GPRC6A: variants seen among roughly 807,000 people sequenced by gnomAD.
GPRC6A encodes G protein-coupled receptor family C group 6 member A.
A neutral mutation model predicts 47.0 loss-of-function variants in GPRC6A; 54 were observed. The observed-to-expected ratio is 1.15, with a 90% CI of 0.92 to 1.44. GPRC6A has a LOEUF of 1.44. GPRC6A is among the 40% of genes most tolerant of loss of function. GPRC6A has a pLI of 0.00. For synonymous variants in GPRC6A, 347 were observed against 377.1 expected, an observed-to-expected ratio of 0.92 and a Z score of 0.93; for missense variants, 1,112 against 1,105.5, an observed-to-expected ratio of 1.01 and a Z score of -0.08.
chr6:116,806,539 T>A lies in GPRC6A; in HGVS notation c.1166A>T (p.Asn389Ile), dbSNP rs1156609891. ...HSQRTLAYKANKAIERNFVMR... is the reference protein window; with the variant it reads ...HSQRTLAYKAIKAIERNFVMR... ...GACGAAGTTCCTTTCTATAGCCTTG[T>A]TAGCCTTGTAGGCCAAAGTCCTTTG... The change falls in exon 3 of 6, where the codon AAC becomes ATC. Residue 389 changes from asparagine (N) to isoleucine (I), a missense_variant. By Grantham distance (149) the Asn-to-Ile change is moderately radical. Transcript: ENST00000310357. The A allele has an allele frequency of 6.2e-7, 1 of 1,613,506 alleles. No individual in the cohort carries two copies. The highest frequency in any genetic ancestry group is 8.5e-7 in the Non-Finnish European group (1 of 1,179,768).
intron 5 of GPRC6A, among the ~76,000 whole-genome samples, chr6:116,794,890 A>G (rs1772428464): frequency 6.6e-6 from 1 of 152,156 alleles, no homozygotes; most frequent in Non-Finnish European, 1.5e-5. Flanking sequence ...TGAATCTTGG[A>G]ATATTTTCAT....
intron 1 of GPRC6A, among the ~76,000 whole-genome samples, chr6:116,813,877 T>A (rs935421280): frequency 1.8e-4 from 27 of 152,262 alleles, no homozygotes; most frequent in African/African-American, 5.3e-4. Context: ...AGGGCTAATA[T>A]CTAGAATCTA....
chr6:116,794,559 T>G (rs1772416406), intron 5 of GPRC6A, among the ~76,000 whole-genome samples: 1 of 152,162 alleles, frequency 6.6e-6, no homozygotes, highest in South Asian at 2.1e-4. Context: ...AGATACAGCC[T>G]TTAAAGGGTC....
intron 2 of GPRC6A, among the ~76,000 whole-genome samples, chr6:116,808,661 CT>C: frequency 6.6e-6 from 1 of 152,228 alleles, no homozygotes; most frequent in South Asian, 2.1e-4. Flanking sequence ...TCTTTATCAT[CT>C]GAATATAAGC....
rs1017915855 is a variant in GPRC6A at position 116,792,941 on chromosome 6, G to A, written c.1982C>T (p.Thr661Ile). The A allele has an allele frequency of 1.9e-6, 3 of 1,614,086 alleles. No homozygotes were observed. The highest frequency in any genetic ancestry group is 2.5e-6 in the Non-Finnish European group (3 of 1,179,978). Residue 661 changes from threonine to isoleucine, a missense_variant, in exon 6 of 6, where the codon ACC becomes ATC. Coordinates refer to ENST00000310357, the MANE Select transcript of GPRC6A (RefSeq NM_148963.4). ...IGEPQDFTCK[T>I]RQTMFGVSFT... The stretch of plus-strand genomic sequence containing the variant: ...GCTCACTCCAAACATTGTCTGCCTG[G>A]TTTTACATGTGAAGTCTTGTGGTTC...
At chr6:116,820,521 G>T (rs1773429212) in intron 1 of GPRC6A, among the ~76,000 whole-genome samples, 2 of 150,302 alleles carry the variant, frequency 1.3e-5, no homozygotes, top group Middle Eastern at 3.4e-3. Flanking sequence ...TGATCAAGTG[G>T]GCTTCATCCC....
chr6:116,825,799 A>C (rs554958345), intron 1 of GPRC6A, among the ~76,000 whole-genome samples: 30 of 152,038 alleles, frequency 2.0e-4, no homozygotes, highest in African/African-American at 7.2e-4. Context: ...TACCTGACAA[A>C]ATTATATCAC....
In GPRC6A at chr6:116,792,659, A is replaced by G. The variant is rs1413432037; in HGVS notation, c.2264T>C (p.Met755Thr). The G allele has an allele frequency of 2.5e-6, 4 of 1,613,638 alleles. No individual in the cohort carries two copies. Among genetic ancestry groups the G allele is most frequent in the South Asian group, 1.1e-5 (1 of 91,058 alleles). The change falls in exon 6 of 6, where the codon ATG becomes ACG. Residue 755 changes from methionine (M) to threonine (T), a missense_variant. Coordinates refer to ENST00000310357, the MANE Select transcript of GPRC6A (RefSeq NM_148963.4). The stretch of plus-strand genomic sequence containing the variant: ...GGCCAGGATGGCAATGTAGCCCAGC[A>G]TGGTGCCAAATGCAAGTATGGATCC... ...EEGSILAFGT[M>T]LGYIAILAFI...
intron 5 of GPRC6A, among the ~76,000 whole-genome samples, chr6:116,794,123 G>C (rs1309281615): frequency 6.6e-6 from 1 of 152,130 alleles, no homozygotes; most frequent in East Asian, 1.9e-4. Flanking sequence ...AAGTTGGTGA[G>C]TCTCAGCTGC....
intron 1 of GPRC6A, among the ~76,000 whole-genome samples, chr6:116,821,215 C>G (rs1381348291): frequency 6.6e-6 from 1 of 151,956 alleles, no homozygotes; most frequent in Non-Finnish European, 1.5e-5. Flanking sequence ...AAAGAGGATA[C>G]AAACAAATGG....
intron 5 of GPRC6A, among the ~76,000 whole-genome samples, chr6:116,794,605 C>T (rs958507747): frequency 6.6e-6 from 1 of 152,090 alleles, no homozygotes; most frequent in Non-Finnish European, 1.5e-5. Flanking sequence ...GTTACATACT[C>T]CTTGGTGTTT....
At chr6:116,802,002 A>G (rs767427344) in intron 3 of GPRC6A, among the ~76,000 whole-genome samples, 4 of 152,158 alleles carry the variant, frequency 2.6e-5, no homozygotes, top group Non-Finnish European at 5.9e-5. Context: ...TTCTTTCCTT[A>G]AGCAATATAC....
intron 1 of GPRC6A, among the ~76,000 whole-genome samples, chr6:116,812,501 A>G (rs1177664241): frequency 2.0e-5 from 3 of 152,192 alleles, no homozygotes; most frequent in African/African-American, 7.2e-5. Context: ...CCACAATGAC[A>G]AAAAATGAGA....
chr6:116,801,159 C>T lies in GPRC6A; in HGVS notation c.1336-363G>A, dbSNP rs192838027. 6.6e-5 allele frequency among the ~76,000 whole-genome samples: 10 copies of T among 152,230 alleles called. No individual in the cohort carries two copies. The East Asian group carries it at 1.9e-3, about 29-fold the overall frequency. On this transcript the variant is annotated intron_variant, in intron 3 of 5. Transcript: ENST00000310357. ...TCATCAATGCAAGTACAATTACTTT[C>T]TATCTGATTATCTCCAATGGTTCTT... is the stretch of plus-strand genomic sequence containing the variant.
chr6:116,801,412 G>A (rs1052669681), intron 3 of GPRC6A, among the ~76,000 whole-genome samples: 12 of 152,108 alleles, frequency 7.9e-5, no homozygotes, highest in African/African-American at 2.9e-4. Flanking sequence ...TGTAGTGGAA[G>A]AACAATAGGC....
chr6:116,818,532 TAAAAAAAAA>T lies in GPRC6A; in HGVS notation c.195-8924_195-8916del, dbSNP rs35974500. Among the ~76,000 whole-genome samples, 78 of 15,502 alleles carry T rather than the reference TAAAAAAAAA, an allele frequency of 5.0e-3. 4 individuals carry two copies. The highest frequency in any genetic ancestry group is 0.011 in the East Asian group (10 of 878). The allele number at this position is 15,502 out of a possible 152,430, so 10.2% of individuals were successfully genotyped here. A position where few individuals can be genotyped will look rare whatever the true frequency, so the allele number is the denominator to read the frequency against. ...CTGGGCGACAGAGCGAGACTCCGTC[TAAAAAAAAA>T]AAAAAAAAAAAAAAAAAAAAAAAAA... On this transcript the variant is annotated intron_variant, in intron 1 of 5. Coordinates refer to ENST00000310357, the MANE Select transcript of GPRC6A (RefSeq NM_148963.4).
intron 4 of GPRC6A, 117 bp from the exon 5 acceptor site, chr6:116,795,952 C>A: frequency 1.6e-6 from 1 of 622,682 alleles, no homozygotes. Flanking sequence ...GGTCTTTTTT[C>A]ATAGGATTAT....
At chr6:116,819,500 C>A (rs1182180600) in intron 1 of GPRC6A, among the ~76,000 whole-genome samples, 2 of 152,088 alleles carry the variant, frequency 1.3e-5, no homozygotes, top group African/African-American at 4.8e-5. Context: ...GAGATTATAA[C>A]AAACTATCTC....
intron 1 of GPRC6A, among the ~76,000 whole-genome samples, chr6:116,814,665 G>A (rs933840573): frequency 3.3e-5 from 5 of 151,974 alleles, no homozygotes; most frequent in African/African-American, 9.7e-5. Context: ...TGATGAGTTC[G>A]TGGGTGCAGC....
Sources: allele counts gnomAD v4.1 joint callset (sites outside exome capture counted in the v4.1 genomes callset), GRCh38; gene constraint gnomAD v4.1.1; transcripts MANE v1.5; gene names NCBI Gene and HGNC (gene_info 2026-07-23, HGNC 2026-07-21).